GPR158: variants seen among roughly 807,000 people sequenced by gnomAD.
GPR158 encodes the protein metabotropic glycine receptor.
A neutral mutation model predicts 78.2 loss-of-function variants in GPR158; 30 were observed. That is an observed-to-expected ratio of 0.38 (90% confidence interval 0.29 to 0.52). The LOEUF is 0.52. Among genes scored for constraint, GPR158 ranks in the 20% least tolerant of loss-of-function variants. GPR158 has a pLI of 0.83. For missense variants in GPR158, 1,463 were observed against 1,523.5 expected, an observed-to-expected ratio of 0.96 and a Z score of 0.66; for synonymous variants, 581 against 591.1, an observed-to-expected ratio of 0.98 and a Z score of 0.25.
chr10:25,440,407 G>A (rs939717698), intron 4 of GPR158, among the ~76,000 whole-genome samples: 5 of 152,190 alleles, frequency 3.3e-5, no homozygotes, highest in African/African-American at 1.2e-4. Context: ...ATTGATTGCT[G>A]CTTAATGTTT....
intron 1 of GPR158, among the ~76,000 whole-genome samples, chr10:25,206,716 T>G (rs1853043454): frequency 6.6e-6 from 1 of 152,112 alleles, no homozygotes. Flanking sequence ...TCTTACTGGC[T>G]GCCTATTATG....
rs1453957582 is a variant in GPR158, at chr10:25,371,101, A to G, written c.1009-24810A>G. Among the ~76,000 whole-genome samples, 7 of 148,284 alleles carry G rather than the reference A, an allele frequency of 4.7e-5. 1 individual carries two copies. Among genetic ancestry groups the G allele is most frequent in the African/African-American group, 1.0e-4 (4 of 40,078 alleles). On this transcript the variant is annotated intron_variant, in intron 2 of 10. Transcript: ENST00000376351. The stretch of plus-strand genomic sequence containing the variant: ...TGGGTTTCCTGAATATAGCACACTG[A>G]TGGGTCTTGACTCTTTATCCAATTT...
intron 7 of GPR158, among the ~76,000 whole-genome samples, chr10:25,580,563 GAT>G (rs113231625): frequency 0.14 from 21,191 of 152,106 alleles, 2,493 homozygotes; most frequent in African/African-American, 0.32. Context: ...GGTGAAATGT[GAT>G]ATAAGTGCCA....
chr10:25,462,659 C>T (rs1835371424), intron 4 of GPR158, among the ~76,000 whole-genome samples: 1 of 152,174 alleles, frequency 6.6e-6, no homozygotes, highest in Non-Finnish European at 1.5e-5. Context: ...TTCTAACCCT[C>T]ATGGATGACT....
At chr10:25,558,032 T>C (rs1836808085) in intron 6 of GPR158, among the ~76,000 whole-genome samples, 1 of 152,230 alleles carries the variant, frequency 6.6e-6, no homozygotes, top group Non-Finnish European at 1.5e-5. Context: ...AGCTTTTCAA[T>C]CTGGAGCTTC....
intron 2 of GPR158, among the ~76,000 whole-genome samples, chr10:25,306,271 T>C (rs1183185673): frequency 6.6e-6 from 1 of 152,220 alleles, no homozygotes; most frequent in Non-Finnish European, 1.5e-5. Flanking sequence ...AGATCATCCA[T>C]AATTTGCCTA....
chr10:25,359,777 A>G (rs1178501818), intron 2 of GPR158, among the ~76,000 whole-genome samples: 1 of 152,218 alleles, frequency 6.6e-6, no homozygotes, highest in Non-Finnish European at 1.5e-5. Context: ...GTATATACCC[A>G]GTAATGGGAT....
chr10:25,372,041 G>A (rs1453023070), intron 2 of GPR158, among the ~76,000 whole-genome samples: 1 of 151,760 alleles, frequency 6.6e-6, no homozygotes, highest in East Asian at 1.9e-4. Context: ...CAAAAAGTGG[G>A]CGAAGGACAT....
At chr10:25,483,360 CTA>C (rs1356226632) in intron 5 of GPR158, among the ~76,000 whole-genome samples, 1 of 152,014 alleles carries the variant, frequency 6.6e-6, no homozygotes, top group Non-Finnish European at 1.5e-5. Flanking sequence ...CTTGCACTGA[CTA>C]TTGCTTTTTC....
At chr10:25,317,391 C>G (rs919391612) in intron 2 of GPR158, among the ~76,000 whole-genome samples, 10 of 151,970 alleles carry the variant, frequency 6.6e-5, no homozygotes, top group Non-Finnish European at 4.4e-5. Context: ...TCATTTTCTT[C>G]AATTCTCCTT....
At chr10:25,372,798 G>T (rs868538795) in intron 2 of GPR158, among the ~76,000 whole-genome samples, 4 of 150,506 alleles carry the variant, frequency 2.7e-5, no homozygotes, top group East Asian at 2.0e-4. Context: ...GCATGGAACA[G>T]GTATACATAT....
chr10:25,363,091 C>T (rs868214481), intron 2 of GPR158, among the ~76,000 whole-genome samples: 22 of 151,390 alleles, frequency 1.5e-4, no homozygotes, highest in Non-Finnish European at 1.0e-4. Flanking sequence ...TATCAAGAAT[C>T]AATCTGTGAT....
intron 2 of GPR158, among the ~76,000 whole-genome samples, chr10:25,298,266 T>C (rs1854543789): frequency 6.6e-6 from 1 of 152,202 alleles, no homozygotes; most frequent in South Asian, 2.1e-4. Context: ...TACTAAATAT[T>C]GTGTTTGTTT....
At chr10:25,532,546 T>C (rs75404188) in intron 5 of GPR158, among the ~76,000 whole-genome samples, 1 of 152,138 alleles carries the variant, frequency 6.6e-6, no homozygotes, top group African/African-American at 2.4e-5. Flanking sequence ...GTTTTCTGTA[T>C]CTTTCCACCT....
At position 25,211,025 on chromosome 10, in the gene GPR158, G is replaced by A. The variant is rs58098705; in HGVS notation, c.903-10027G>A. Among the ~76,000 whole-genome samples the A allele has an allele frequency of 4.7e-3, 715 of 152,110 alleles. 18 individuals carry two copies. Among genetic ancestry groups the A allele is most frequent in the Admixed American group, 0.038 (587 of 15,270 alleles). Reference sequence around the variant, plus strand: ...CAGGCGCCTGTAGTCCCAGCTACTCGGGAGACTGAGGCAGGAGAATCGCTT... The same window carrying A: ...CAGGCGCCTGTAGTCCCAGCTACTCAGGAGACTGAGGCAGGAGAATCGCTT... On this transcript the variant is annotated intron_variant, in intron 1 of 10. Coordinates refer to ENST00000376351, the MANE Select transcript of GPR158 (RefSeq NM_020752.3).
intron 4 of GPR158, among the ~76,000 whole-genome samples, chr10:25,447,408 T>C (rs1835152126): frequency 2.6e-5 from 4 of 152,238 alleles, no homozygotes; most frequent in Admixed American, 2.6e-4. Flanking sequence ...GCAAAGCTTA[T>C]ACATTTAGTT....
chr10:25,278,591 T>C (rs1363725264), intron 2 of GPR158, among the ~76,000 whole-genome samples: 1 of 151,818 alleles, frequency 6.6e-6, no homozygotes, highest in African/African-American at 2.4e-5. Context: ...TAACAATAAA[T>C]AGAAACTCAT....
At position 25,601,983 on chromosome 10, in the gene GPR158, G is replaced by A. The variant is rs2130761093; in HGVS notation, c.*2709G>A. ...CAGTTCTCTTGTATTTGCTTCCTAGGTTTCTGCATGCAAGTTATGACAGGT... is the reference window on the plus strand; with the variant it reads ...CAGTTCTCTTGTATTTGCTTCCTAGATTTCTGCATGCAAGTTATGACAGGT... On this transcript the variant is annotated 3_prime_UTR_variant, in exon 11 of 11. Coordinates refer to ENST00000376351, the MANE Select transcript of GPR158 (RefSeq NM_020752.3). The A allele has an allele frequency of 6.6e-6, 1 of 152,600 alleles. No individual in the cohort carries two copies. Among genetic ancestry groups the A allele is most frequent in the Non-Finnish European group, 1.5e-5 (1 of 68,008 alleles). 9.5% of individuals were successfully genotyped at this position (152,600 alleles called of 1,614,324 possible).
chr10:25,432,840 G>A (rs556000645), intron 4 of GPR158, among the ~76,000 whole-genome samples: 1 of 152,222 alleles, frequency 6.6e-6, no homozygotes, highest in South Asian at 2.1e-4. Flanking sequence ...CATACTGAGT[G>A]TCTGATAATG....
Sources: gnomAD v4.1 joint callset for allele counts (sites outside exome capture counted in the v4.1 genomes callset) on GRCh38, gnomAD v4.1.1 for gene constraint, MANE v1.5 for transcripts, NCBI Gene and HGNC (gene_info 2026-07-23, HGNC 2026-07-21) for gene names.